Variants in PODXL2 observed in about 807,000 individuals in gnomAD.
PODXL2 encodes podocalyxin-like protein 2.
Under a neutral mutation model 53.4 loss-of-function variants are expected in PODXL2, and 17 were observed. The ratio of observed to expected loss-of-function variants is 0.32; its 90% confidence interval spans 0.22 to 0.48. PODXL2 has a LOEUF of 0.48. Among genes scored for constraint, PODXL2 ranks in the 20% least tolerant of loss-of-function variants. The pLI, the probability that PODXL2 is intolerant of heterozygous loss-of-function variation, is 0.99. For missense variants in PODXL2, 673 were observed against 760.0 expected, an observed-to-expected ratio of 0.89 and a Z score of 1.35; for synonymous variants, 311 against 306.7, an observed-to-expected ratio of 1.01 and a Z score of -0.15.
At chr3:127,639,053 G>A (rs1194194060) in intron 1 of PODXL2, among the ~76,000 whole-genome samples, 192 bp from the exon 2 acceptor site, 1 of 152,246 alleles carries the variant, frequency 6.6e-6, no homozygotes, top group African/African-American at 2.4e-5. Flanking sequence ...CCATAGGGAA[G>A]TCTAAGCAAT....
chr3:127,666,175 C>A (rs1444825622), intron 4 of PODXL2, among the ~76,000 whole-genome samples: 1 of 152,138 alleles, frequency 6.6e-6, no homozygotes, highest in Non-Finnish European at 1.5e-5. Flanking sequence ...ATCTGTAGTC[C>A]ATCTGGAATT....
intron 2 of PODXL2, among the ~76,000 whole-genome samples, chr3:127,644,229 A>G (rs2074639031): frequency 1.3e-5 from 2 of 152,080 alleles, no homozygotes; most frequent in Non-Finnish European, 2.9e-5. Context: ...CTCCTGCCTC[A>G]GACTCCCTGG....
At chr3:127,656,454 G>T (rs1197313047) in intron 2 of PODXL2, among the ~76,000 whole-genome samples, 3 of 151,892 alleles carry the variant, frequency 2.0e-5, no homozygotes, top group Non-Finnish European at 4.4e-5. Context: ...AATTAGCCAG[G>T]TGTTGGGCGC....
chr3:127,639,175 G>C, intron 1 of PODXL2, 70 bp from the exon 2 acceptor site: 1 of 1,455,210 alleles, frequency 6.9e-7, no homozygotes. Context: ...TTTGAGACAT[G>C]CTCTAACCTG....
At chr3:127,631,230 AG>A (rs2074543476) in intron 1 of PODXL2, among the ~76,000 whole-genome samples, 1 of 152,190 alleles carries the variant, frequency 6.6e-6, no homozygotes, top group African/African-American at 2.4e-5. Flanking sequence ...CAGATGCTGC[AG>A]GGCCCCTCCC....
intron 4 of PODXL2, chr3:127,665,797 CAG>C (rs991956194): frequency 3.4e-6 from 1 of 290,522 alleles, no homozygotes; most frequent in Non-Finnish European, 7.0e-6. Flanking sequence ...CCTGAGGCTG[CAG>C]AGTTTCTCAG....
At chr3:127,648,683 T>G (rs1202303034) in intron 2 of PODXL2, among the ~76,000 whole-genome samples, 2 of 151,852 alleles carry the variant, frequency 1.3e-5, no homozygotes, top group Non-Finnish European at 2.9e-5. Flanking sequence ...TGGTGTGATC[T>G]TGGCTCACTG....
chr3:127,649,873 G>T (rs2074678106), intron 2 of PODXL2, among the ~76,000 whole-genome samples: 1 of 152,196 alleles, frequency 6.6e-6, no homozygotes, highest in African/African-American at 2.4e-5. Flanking sequence ...GGAGACAGAG[G>T]CTGCAGTGAG....
At position 127,656,037 on chromosome 3, in the gene PODXL2, A is replaced by G. The variant is rs141921543; in HGVS notation, c.350-4341A>G. Reference sequence around the variant, plus strand: ...TTAGGAGGCAGAAGAATTCAAAAACACACGTTGCTCTCCTTTCTACTCTGG... The same window carrying G: ...TTAGGAGGCAGAAGAATTCAAAAACGCACGTTGCTCTCCTTTCTACTCTGG... On this transcript the variant is annotated intron_variant, in intron 2 of 7. Transcript: ENST00000342480. Among the ~76,000 whole-genome samples the G allele has an allele frequency of 2.4e-3, 365 of 152,370 alleles. 2 individuals carry two copies. The highest frequency in any genetic ancestry group is 8.4e-3 in the African/African-American group (351 of 41,592).
chr3:127,653,261 T>C (rs1476923288), intron 2 of PODXL2, among the ~76,000 whole-genome samples: 1 of 152,236 alleles, frequency 6.6e-6, no homozygotes, highest in African/African-American at 2.4e-5. Flanking sequence ...CACAGGGCTC[T>C]GCGCTCTCAG....
At chr3:127,670,010 G>T (rs928326652) in intron 6 of PODXL2, among the ~76,000 whole-genome samples, 1 of 152,232 alleles carries the variant, frequency 6.6e-6, no homozygotes, top group Non-Finnish European at 1.5e-5. Context: ...TTTTTGGCAG[G>T]AGAGATGAGT....
Position 127,669,062 on chromosome 3 carries a change from G to A in PODXL2, c.1364-79G>A. 8 of 897,068 alleles carry A rather than the reference G, an allele frequency of 8.9e-6. No homozygotes were observed. In the South Asian group the frequency reaches 1.3e-4, roughly 14 times the overall value. The allele number at this position is 897,068 out of a possible 1,614,324, so 55.6% of individuals were successfully genotyped here. A position where few individuals can be genotyped will look rare whatever the true frequency, so the allele number is the denominator to read the frequency against. On this transcript the variant is annotated intron_variant, in intron 5 of 7. Transcript: ENST00000342480. ...GAGACAGAGGCTCAGGCCAGCTGTT[G>A]GAGAGCGGGGCCAGAGCCCTTGGAG...
At chr3:127,648,972 A>T (rs950101477) in intron 2 of PODXL2, among the ~76,000 whole-genome samples, 7 of 151,550 alleles carry the variant, frequency 4.6e-5, no homozygotes, top group African/African-American at 1.7e-4. Flanking sequence ...TTGTATTTTC[A>T]GTAGAGACGG....
At position 127,668,101 on chromosome 3, in the gene PODXL2, C is replaced by CGTGTGTGT. The variant is rs55716588; in HGVS notation, c.1207-305_1207-298dup. Reference sequence around the variant, plus strand: ...CTGGGCTTGTCACTGTACATGGCTGCGTGTGTGTGTGTGTGTGTGTGTGTG... The same window carrying CGTGTGTGT: ...CTGGGCTTGTCACTGTACATGGCTGCGTGTGTGTGTGTGTGTGTGTGTGTGTGTGTGTG... On this transcript the variant is annotated intron_variant, in intron 4 of 7. Transcript: ENST00000342480. Among the ~76,000 whole-genome samples the CGTGTGTGT allele has an allele frequency of 1.8e-3, 258 of 145,854 alleles. 1 individual carries two copies. Among genetic ancestry groups the CGTGTGTGT allele is most frequent in the Non-Finnish European group, 2.3e-3 (156 of 66,504 alleles).
chr3:127,660,512 G>A lies in PODXL2; in HGVS notation c.484G>A (p.Glu162Lys), dbSNP rs2074758448. The change falls in exon 3 of 8, where the codon GAG (glutamate) becomes AAG (lysine). Residue 162 changes from glutamate (E) to lysine (K), a missense_variant. By Grantham distance (56) the Glu-to-Lys change is moderately conservative. Coordinates refer to ENST00000342480, the MANE Select transcript of PODXL2 (RefSeq NM_015720.4). Reference sequence around the variant, plus strand: ...GCCTCCCTGGCATATGCCTCCCAGAGAGGAGGAAGAAGAGGAAGAGGAAGA... The same window carrying A: ...GCCTCCCTGGCATATGCCTCCCAGAAAGGAGGAAGAAGAGGAAGAGGAAGA... Reference protein sequence around the residue: ...VEPPWHMPPREEEEEEEEEEE... With the variant: ...VEPPWHMPPRKEEEEEEEEEE... 2 of 1,613,772 alleles carry A rather than the reference G, an allele frequency of 1.2e-6. No individual in the cohort carries two copies. The highest frequency in any genetic ancestry group is 2.7e-5 in the African/African-American group (2 of 74,882).
intron 5 of PODXL2, 117 bp downstream of exon 5, chr3:127,668,714 G>C (rs2074811844): frequency 4.8e-6 from 5 of 1,037,604 alleles, no homozygotes; most frequent in Non-Finnish European, 5.3e-6. Context: ...CTCCAGGACA[G>C]TAGTTTGAGC....
At chr3:127,662,372 G>T in intron 4 of PODXL2, 61 bp downstream of exon 4, 1 of 1,375,684 alleles carries the variant, frequency 7.3e-7, no homozygotes. Flanking sequence ...ACAGGGTGGG[G>T]CAGAGGGCAG....
intron 6 of PODXL2, among the ~76,000 whole-genome samples, chr3:127,670,384 G>A (rs1304845699): frequency 2.0e-5 from 3 of 152,196 alleles, no homozygotes; most frequent in Non-Finnish European, 4.4e-5. Context: ...TTCTGGAATC[G>A]TGGGTCCATG....
At chr3:127,661,549 A>G (rs2107543238) in intron 3 of PODXL2, among the ~76,000 whole-genome samples, 1 of 151,318 alleles carries the variant, frequency 6.6e-6, no homozygotes, top group Non-Finnish European at 1.5e-5. Context: ...CAATTCTCAT[A>G]CCTCAGCCCC....
Sources: gnomAD v4.1 joint callset for allele counts (sites outside exome capture counted in the v4.1 genomes callset) on GRCh38, gnomAD v4.1.1 for gene constraint, MANE v1.5 for transcripts, NCBI Gene and HGNC (gene_info 2026-07-23, HGNC 2026-07-21) for gene names.